SDC2: variants seen among roughly 807,000 people sequenced by gnomAD.
The protein encoded by SDC2 is syndecan 2.
In SDC2, 13 loss-of-function variants were observed where a neutral mutation model predicts 22.2. The observed-to-expected ratio is 0.59, with a 90% CI of 0.38 to 0.93. The LOEUF is 0.93. SDC2 is among the 40% of genes least tolerant of loss of function. The probability of loss-of-function intolerance (pLI) is 0.00; values close to 1 mark genes in which losing one functional copy is unlikely to be tolerated. For missense variants in SDC2, 235 were observed against 246.8 expected (o/e 0.95, Z 0.32); for synonymous variants, 94 against 92.8 (o/e 1.01, Z -0.07).
At chr8:96,499,577 T>C (rs1383199085) in intron 1 of SDC2, among the ~76,000 whole-genome samples, 1 of 152,192 alleles carries the variant, frequency 6.6e-6, no homozygotes, top group Non-Finnish European at 1.5e-5. Flanking sequence ...CCTTGCCACT[T>C]AATGTGTCAG....
At chr8:96,524,134 T>C (rs1813540231) in intron 1 of SDC2, among the ~76,000 whole-genome samples, 1 of 152,258 alleles carries the variant, frequency 6.6e-6, no homozygotes, top group Non-Finnish European at 1.5e-5. Flanking sequence ...ATAGTTCATA[T>C]ACCAGAGACC....
chr8:96,590,497 G>A (rs1814762722), intron 1 of SDC2, among the ~76,000 whole-genome samples: 1 of 152,204 alleles, frequency 6.6e-6, no homozygotes, highest in Non-Finnish European at 1.5e-5. Context: ...GCCTTGAGGA[G>A]ATGCTTGTCT....
In SDC2 at chr8:96,593,527, C is replaced by T. The variant is rs150343338; in HGVS notation, c.108C>T (p.Ser36=). Residue 36 remains serine, a synonymous_variant, in exon 2 of 5, where the codon TCC becomes TCT. Coordinates refer to ENST00000302190, the MANE Select transcript of SDC2 (RefSeq NM_002998.4). Reference sequence around the variant, plus strand: ...AAGACATGTACCTTGACAACAGCTCCATTGAAGAAGCTTCAGGAGTGTATC... The same window carrying T: ...AAGACATGTACCTTGACAACAGCTCTATTGAAGAAGCTTCAGGAGTGTATC... ...SDKDMYLDNS[S]IEEASGVYPI... is the part of the protein sequence containing the mutation. The T allele has an allele frequency of 1.1e-5, 17 of 1,614,060 alleles. No individual in the cohort carries two copies. The highest frequency in any genetic ancestry group is 3.3e-4 in the Middle Eastern group (2 of 6,052).
intron 1 of SDC2, among the ~76,000 whole-genome samples, chr8:96,519,355 C>T (rs540116365): frequency 6.6e-6 from 1 of 152,254 alleles, no homozygotes; most frequent in African/African-American, 2.4e-5. Flanking sequence ...GTGATGTTTA[C>T]TTTTCGTCAT....
intron 1 of SDC2, among the ~76,000 whole-genome samples, chr8:96,531,202 C>T (rs773697055): frequency 7.9e-5 from 12 of 152,208 alleles, no homozygotes; most frequent in Non-Finnish European, 1.5e-4. Context: ...CAAGGTTACA[C>T]AGTGAATTAG....
intron 1 of SDC2, among the ~76,000 whole-genome samples, chr8:96,533,898 C>T (rs568706129): frequency 9.9e-5 from 15 of 152,266 alleles, no homozygotes; most frequent in Middle Eastern, 6.8e-3. Context: ...GAGCAGGGGG[C>T]GGCGCTCGTT....
intron 1 of SDC2, among the ~76,000 whole-genome samples, chr8:96,570,501 T>C (rs566902759): frequency 2.0e-4 from 30 of 152,112 alleles, no homozygotes; most frequent in African/African-American, 7.0e-4. Flanking sequence ...TAAGGGGAGA[T>C]AGAGAAGTAT....
chr8:96,541,925 TGAC>T (rs1813856803), intron 1 of SDC2, among the ~76,000 whole-genome samples: 1 of 152,188 alleles, frequency 6.6e-6, no homozygotes, highest in Non-Finnish European at 1.5e-5. Context: ...TGAGCTCCAA[TGAC>T]TGAAACAAAG....
intron 1 of SDC2, among the ~76,000 whole-genome samples, chr8:96,556,589 G>GGATCC (rs1162920624): frequency 1.8e-4 from 27 of 151,730 alleles, no homozygotes; most frequent in Admixed American, 1.8e-3. Flanking sequence ...AGCTGAAACT[G>GGATCC]GATCCCTTCC....
In SDC2 at chr8:96,579,188, C is replaced by T. The variant is rs574855831; in HGVS notation, c.61-14292C>T. ...TCTACTTAGATTTCAATTCTGTATT[C>T]GTTTTATGTATGGCATTTTAATAAA... On this transcript the variant is annotated intron_variant, in intron 1 of 4. Coordinates refer to ENST00000302190, the MANE Select transcript of SDC2 (RefSeq NM_002998.4). Among the ~76,000 whole-genome samples, 4 of 152,272 alleles carry T rather than the reference C, an allele frequency of 2.6e-5. No homozygotes were observed. The East Asian group carries it at 5.8e-4, about 22-fold the overall frequency.
intron 1 of SDC2, among the ~76,000 whole-genome samples, chr8:96,495,065 G>C (rs1291592733): frequency 6.6e-6 from 1 of 152,190 alleles, no homozygotes; most frequent in African/African-American, 2.4e-5. Context: ...AGGTTGCACC[G>C]CGGGGCGTCA....
At chr8:96,600,738 T>A (rs1236777195) in intron 2 of SDC2, among the ~76,000 whole-genome samples, 1 of 152,176 alleles carries the variant, frequency 6.6e-6, no homozygotes, top group Non-Finnish European at 1.5e-5. Context: ...AGGGCTTCAG[T>A]CACTGCAAGG....
intron 1 of SDC2, among the ~76,000 whole-genome samples, chr8:96,507,170 TTAAG>T (rs1166430213): frequency 6.6e-6 from 1 of 152,088 alleles, no homozygotes; most frequent in African/African-American, 2.4e-5. Flanking sequence ...TCCAGAGAGG[TTAAG>T]TGATTTATCC....
chr8:96,505,905 T>C lies in SDC2; in HGVS notation c.60+11574T>C, dbSNP rs150670858. Among the ~76,000 whole-genome samples, 484 of 152,360 alleles carry C rather than the reference T, an allele frequency of 3.2e-3. 1 individual carries two copies. The highest frequency in any genetic ancestry group is 5.7e-3 in the Non-Finnish European group (385 of 68,036). ...CTTCAAGTAACTACTGTCTACCTTA[T>C]GATTATTTAGAGAATTGAAAATGAG... is the stretch of plus-strand genomic sequence containing the variant. On this transcript the variant is annotated intron_variant, in intron 1 of 4. Coordinates refer to ENST00000302190, the MANE Select transcript of SDC2 (RefSeq NM_002998.4).
chr8:96,543,827 A>G (rs1813889742), intron 1 of SDC2, among the ~76,000 whole-genome samples: 1 of 152,230 alleles, frequency 6.6e-6, no homozygotes, highest in South Asian at 2.1e-4. Context: ...TTCCTTGTGT[A>G]CTTACAAATA....
At chr8:96,510,244 G>A (rs1813307814) in intron 1 of SDC2, among the ~76,000 whole-genome samples, 1 of 152,176 alleles carries the variant, frequency 6.6e-6, no homozygotes, top group Admixed American at 6.5e-5. Context: ...CTACATAGGT[G>A]TCTTAATAAT....
chr8:96,593,285 T>G (rs1720614018), intron 1 of SDC2, among the ~76,000 whole-genome samples, 195 bp from the exon 2 acceptor site: 1 of 152,184 alleles, frequency 6.6e-6, no homozygotes, highest in Non-Finnish European at 1.5e-5. Context: ...CCTTGCAGGT[T>G]ATTAGTCCGT....
intron 1 of SDC2, among the ~76,000 whole-genome samples, chr8:96,556,494 G>A (rs1814115595): frequency 6.6e-6 from 1 of 151,878 alleles, no homozygotes; most frequent in Non-Finnish European, 1.5e-5. Context: ...TCTGATCTTT[G>A]ACAAACCTGA....
chr8:96,509,435 G>A (rs114614873), intron 1 of SDC2, among the ~76,000 whole-genome samples: 2,122 of 142,138 alleles, frequency 0.015, 238 homozygotes, highest in African/African-American at 0.05. Context: ...AGGACAGACC[G>A]ATTTTTTTCC....
Sources: allele counts gnomAD v4.1 joint callset (sites outside exome capture counted in the v4.1 genomes callset), GRCh38; gene constraint gnomAD v4.1.1; transcripts MANE v1.5; gene names NCBI Gene and HGNC (gene_info 2026-07-23, HGNC 2026-07-21).